MAGI3: variants seen among roughly 807,000 people sequenced by gnomAD.
MAGI3 encodes membrane associated guanylate kinase, WW and PDZ domain containing 3.
A neutral mutation model predicts 121.8 loss-of-function variants in MAGI3; 43 were observed. That is an observed-to-expected ratio of 0.35 (90% CI 0.28 to 0.46). MAGI3 has a LOEUF of 0.46. Ranked by LOEUF, MAGI3 falls within the 20% of genes least tolerant of loss-of-function variation. The pLI is 1.00. For missense variants in MAGI3, 1,547 were observed against 1,797.3 expected, an observed-to-expected ratio of 0.86 and a Z score of 2.52; for synonymous variants, 553 against 639.3, an observed-to-expected ratio of 0.86 and a Z score of 2.04.
chr1:113,596,112 A>G (rs954504726), intron 6 of MAGI3, among the ~76,000 whole-genome samples: 1 of 152,160 alleles, frequency 6.6e-6, no homozygotes, highest in South Asian at 2.1e-4. Flanking sequence ...TAAAAAAAAA[A>G]AGACAAAGTT....
At chr1:113,448,874 C>A (rs1423148730) in intron 1 of MAGI3, among the ~76,000 whole-genome samples, 1 of 152,116 alleles carries the variant, frequency 6.6e-6, no homozygotes, top group Non-Finnish European at 1.5e-5. Flanking sequence ...AATTCCAGCA[C>A]TTTGAGAGGC....
Position 113,636,815 on chromosome 1 carries a change from G to A in MAGI3, c.1361-5096G>A, listed in dbSNP as rs1570976243. Among the ~76,000 whole-genome samples the A allele has an allele frequency of 2.0e-5, 3 of 152,042 alleles. No individual in the cohort carries two copies. The East Asian group carries it at 5.8e-4, about 29-fold the overall frequency. ...TTTCTGTCTCGTTGATCTGTCTAAT[G>A]TTGACAGTGGGGTGTTAAAGTCTCC... On this transcript the variant is annotated intron_variant, in intron 9 of 20. Coordinates refer to ENST00000307546, the MANE Select transcript of MAGI3 (RefSeq NM_001142782.2).
intron 1 of MAGI3, among the ~76,000 whole-genome samples, chr1:113,488,092 CT>C (rs766700685): frequency 3.3e-5 from 5 of 151,738 alleles, no homozygotes; most frequent in Non-Finnish European, 5.9e-5. Flanking sequence ...TTTTTTCTTG[CT>C]TTTTTTTACT....
rs71090716 is a variant in MAGI3, at chr1:113,633,238, A to ATTTTTTTTTTT, written c.1361-8642_1361-8632dup. On this transcript the variant is annotated intron_variant, in intron 9 of 20. Transcript: ENST00000307546. ...TCCCTACAAAGGACATGAACTCATCATTTTTTTTTTTTTTTTTTTTTTTTT... is the reference window on the plus strand; with the variant it reads ...TCCCTACAAAGGACATGAACTCATCATTTTTTTTTTTTTTTTTTTTTTTTTTTTTTTTTTTT... Among the ~76,000 whole-genome samples, 5 of 56,670 alleles carry ATTTTTTTTTTT rather than the reference A, an allele frequency of 8.8e-5. 2 individuals carry two copies. The highest frequency in any genetic ancestry group is 5.9e-4 in the Admixed American group (2 of 3,390). 37.2% of individuals were successfully genotyped at this position (56,670 alleles called of 152,430 possible). A position where few individuals can be genotyped will look rare whatever the true frequency, so the allele number is the denominator to read the frequency against.
chr1:113,584,015 G>T (rs576396209), intron 3 of MAGI3, among the ~76,000 whole-genome samples: 1 of 152,032 alleles, frequency 6.6e-6, no homozygotes. Context: ...ACTATGTAAT[G>T]TCTAGATTTG....
Position 113,673,340 on chromosome 1 carries a change from G to T in MAGI3, c.3064G>T (p.Val1022Leu). The stretch of plus-strand genomic sequence containing the variant: ...TCTCTAGAACCTTGGTTGTTATCCA[G>T]TAGAGCTGGAGAGAGGCCCCCGGGG... ...RHNQNLGCYP[V>L]ELERGPRGFG... Residue 1022 changes from valine (V) to leucine (L), a missense_variant, in exon 19 of 21, where the codon GTA becomes TTA. Physicochemically the swap from Val to Leu is conservative, Grantham distance 32 (BLOSUM62 1). Coordinates refer to ENST00000307546, the MANE Select transcript of MAGI3 (RefSeq NM_001142782.2). 1 of 1,611,542 alleles carries T rather than the reference G, an allele frequency of 6.2e-7. No homozygotes were observed. Among genetic ancestry groups the T allele is most frequent in the Non-Finnish European group, 8.5e-7 (1 of 1,179,544 alleles).
intron 1 of MAGI3, among the ~76,000 whole-genome samples, chr1:113,419,923 C>T (rs1652649428): frequency 6.6e-6 from 1 of 152,142 alleles, no homozygotes; most frequent in Non-Finnish European, 1.5e-5. Context: ...AGAGCGTTAT[C>T]AGTCTAGCCT....
intron 16 of MAGI3, among the ~76,000 whole-genome samples, chr1:113,668,094 G>A (rs1293618221): frequency 6.6e-6 from 1 of 152,070 alleles, no homozygotes; most frequent in East Asian, 1.9e-4. Context: ...CACCATAACA[G>A]ATATAATAAT....
intron 2 of MAGI3, among the ~76,000 whole-genome samples, chr1:113,568,881 T>G (rs1207284495): frequency 6.6e-6 from 1 of 152,086 alleles, no homozygotes; most frequent in Admixed American, 6.6e-5. Context: ...AGGAAAGGAT[T>G]TTTTTCAACT....
chr1:113,620,523 C>G (rs1267438225), intron 8 of MAGI3, among the ~76,000 whole-genome samples: 1 of 152,164 alleles, frequency 6.6e-6, no homozygotes, highest in African/African-American at 2.4e-5. Flanking sequence ...AGAAATAGTT[C>G]TTTCTTATAG....
At chr1:113,456,869 C>G (rs1419946370) in intron 1 of MAGI3, among the ~76,000 whole-genome samples, 1 of 146,222 alleles carries the variant, frequency 6.8e-6, no homozygotes. Flanking sequence ...TTTTTTTTTC[C>G]AAGTTCTAGA....
intron 1 of MAGI3, among the ~76,000 whole-genome samples, chr1:113,475,636 G>T (rs139074026): frequency 0.017 from 2,580 of 152,282 alleles, 31 homozygotes; most frequent in Middle Eastern, 0.048. Flanking sequence ...CAGTTTGTCA[G>T]TATTTTATTG....
chr1:113,529,843 ATAAAT>A (rs1176493765), intron 1 of MAGI3, among the ~76,000 whole-genome samples: 2 of 152,184 alleles, frequency 1.3e-5, no homozygotes, highest in East Asian at 1.9e-4. Context: ...GCCAATAAAA[ATAAAT>A]TAAAAATAAA....
At chr1:113,631,929 T>A (rs901442650) in intron 9 of MAGI3, among the ~76,000 whole-genome samples, 12 of 152,236 alleles carry the variant, frequency 7.9e-5, no homozygotes, top group African/African-American at 2.9e-4. Flanking sequence ...GACTAGTTTC[T>A]GATTGCGGGG....
intron 1 of MAGI3, among the ~76,000 whole-genome samples, chr1:113,475,649 G>A (rs182169549): frequency 8.3e-4 from 126 of 152,220 alleles, no homozygotes; most frequent in African/African-American, 2.8e-3. Flanking sequence ...TTTTATTGAG[G>A]ATTTTCGCAT....
At chr1:113,672,205 G>A (rs1571030901) in intron 17 of MAGI3, among the ~76,000 whole-genome samples, 1 of 152,208 alleles carries the variant, frequency 6.6e-6, no homozygotes, top group Non-Finnish European at 1.5e-5. Context: ...AGCAGAGCAG[G>A]TTTTGTGTGT....
intron 1 of MAGI3, chr1:113,449,720 G>GGA: frequency 1.1e-6 from 1 of 894,162 alleles, no homozygotes; most frequent in East Asian, 2.4e-5. Flanking sequence ...ATGATCCAAA[G>GGA]GAACCAGAGA....
At chr1:113,605,618 G>A (rs1557848512) in intron 6 of MAGI3, among the ~76,000 whole-genome samples, 1 of 151,086 alleles carries the variant, frequency 6.6e-6, no homozygotes, top group Admixed American at 6.6e-5. Context: ...TTTTTTCCCC[G>A]AGACGGAGTC....
intron 1 of MAGI3, among the ~76,000 whole-genome samples, chr1:113,436,944 A>G (rs1045758630): frequency 1.3e-5 from 2 of 151,276 alleles, no homozygotes; most frequent in Non-Finnish European, 2.9e-5. Flanking sequence ...CCTCCAGAGT[A>G]GCTGGGACTA....
Sources: allele counts gnomAD v4.1 joint callset (sites outside exome capture counted in the v4.1 genomes callset), GRCh38; gene constraint gnomAD v4.1.1; transcripts MANE v1.5; gene names NCBI Gene and HGNC (gene_info 2026-07-23, HGNC 2026-07-21).